Variants in ANKRD55 observed in about 807,000 individuals in gnomAD.
ANKRD55 encodes ankyrin repeat domain 55, also known as ankyrin repeat domain-containing protein 55.
In ANKRD55, 41 loss-of-function variants were observed where a neutral mutation model predicts 60.6. The ratio of observed to expected loss-of-function variants is 0.68; its 90% CI spans 0.53 to 0.88. The LOEUF (loss-of-function observed/expected upper bound fraction) is 0.88. Among genes scored for constraint, ANKRD55 ranks in the 40% least tolerant of loss-of-function variants. ANKRD55 has a pLI of 0.00. For synonymous variants in ANKRD55, 264 were observed against 290.3 expected (o/e 0.91, Z 0.92); for missense variants, 732 against 767.6 (o/e 0.95, Z 0.55).
chr5:56,215,930 G>A (rs1430604576), intron 2 of ANKRD55, among the ~76,000 whole-genome samples: 2 of 151,868 alleles, frequency 1.3e-5, no homozygotes, highest in African/African-American at 2.4e-5. Context: ...CCCCAACCCT[G>A]GCATGGAGGG....
intron 2 of ANKRD55, chr5:56,193,073 C>T: frequency 1.3e-6 from 1 of 782,326 alleles, no homozygotes; most frequent in Non-Finnish European, 2.0e-6. Context: ...ATATTTCATA[C>T]TAGATAATTT....
intron 2 of ANKRD55, among the ~76,000 whole-genome samples, chr5:56,201,246 C>A (rs1046291712): frequency 6.6e-6 from 1 of 152,122 alleles, no homozygotes; most frequent in Non-Finnish European, 1.5e-5. Flanking sequence ...CGTCTTTCCA[C>A]CTTTAAGGAG....
chr5:56,231,692 C>T (rs392729), intron 2 of ANKRD55, among the ~76,000 whole-genome samples: 2 of 112,094 alleles, frequency 1.8e-5, no homozygotes, highest in Admixed American at 9.4e-5. Flanking sequence ...CACACACACA[C>T]ACACATACAC....
intron 2 of ANKRD55, 42 bp from the exon 3 acceptor site, chr5:56,183,676 G>C: frequency 6.2e-7 from 1 of 1,602,696 alleles, no homozygotes; most frequent in South Asian, 1.1e-5. Context: ...TGTGGAGCCA[G>C]TTCACTGAAA....
At chr5:56,105,180 G>A (rs560709140) in intron 10 of ANKRD55, among the ~76,000 whole-genome samples, 1 of 150,326 alleles carries the variant, frequency 6.7e-6, no homozygotes, top group Admixed American at 6.7e-5. Context: ...TCTGCCTCCC[G>A]GGTTCCAGCA....
intron 2 of ANKRD55, among the ~76,000 whole-genome samples, chr5:56,211,377 C>T (rs1007266102): frequency 3.3e-5 from 5 of 152,174 alleles, no homozygotes; most frequent in Non-Finnish European, 5.9e-5. Flanking sequence ...ACTGTGTAAG[C>T]ACTTCCTAGA....
At chr5:56,209,809 C>T (rs1479595511) in intron 2 of ANKRD55, among the ~76,000 whole-genome samples, 3 of 152,176 alleles carry the variant, frequency 2.0e-5, no homozygotes, top group Non-Finnish European at 4.4e-5. Context: ...CCTTTGGACA[C>T]ATTCCTAGAA....
intron 7 of ANKRD55, among the ~76,000 whole-genome samples, chr5:56,131,148 C>T (rs1382886689): frequency 7.2e-6 from 1 of 139,574 alleles, no homozygotes; most frequent in Admixed American, 7.0e-5. Flanking sequence ...ACGATAAATG[C>T]CAAAAACAAC....
At chr5:56,228,313 C>A (rs560049332) in intron 2 of ANKRD55, among the ~76,000 whole-genome samples, 1 of 151,936 alleles carries the variant, frequency 6.6e-6, no homozygotes, top group Non-Finnish European at 1.5e-5. Context: ...TGCACACAGA[C>A]GAGGCCAAGT....
chr5:56,186,384 T>A (rs1424359223), intron 2 of ANKRD55, among the ~76,000 whole-genome samples: 2 of 152,142 alleles, frequency 1.3e-5, no homozygotes, highest in South Asian at 4.1e-4. Context: ...CCCAGGCTGG[T>A]CTCTAATGAT....
intron 9 of ANKRD55, among the ~76,000 whole-genome samples, chr5:56,115,826 AT>A (rs536742589): frequency 1.1e-3 from 169 of 152,234 alleles, no homozygotes; most frequent in African/African-American, 3.9e-3. Flanking sequence ...AACAATGCAT[AT>A]TTTATTAAAA....
chr5:56,152,249 G>A (rs1758073960), intron 6 of ANKRD55, among the ~76,000 whole-genome samples: 1 of 144,806 alleles, frequency 6.9e-6, no homozygotes, highest in Admixed American at 7.0e-5. Flanking sequence ...TCTGCTTTTG[G>A]TTCTATCTCA....
chr5:56,107,610 A>G (rs923328113), intron 10 of ANKRD55, among the ~76,000 whole-genome samples: 3 of 152,098 alleles, frequency 2.0e-5, no homozygotes, highest in Non-Finnish European at 4.4e-5. Context: ...TATATGACCA[A>G]AGTTTAGAGG....
intron 2 of ANKRD55, among the ~76,000 whole-genome samples, chr5:56,199,996 G>A (rs2111856358): frequency 6.6e-6 from 1 of 152,114 alleles, no homozygotes; most frequent in East Asian, 1.9e-4. Flanking sequence ...ATTGTAATAT[G>A]TATATATATG....
At chr5:56,225,118 CA>C (rs1760074991) in intron 2 of ANKRD55, among the ~76,000 whole-genome samples, 3 of 152,298 alleles carry the variant, frequency 2.0e-5, no homozygotes, top group Admixed American at 1.3e-4. Flanking sequence ...AGCAGCACAT[CA>C]AAAAGCTTAT....
At chr5:56,113,702 G>A (rs1366188263) in intron 9 of ANKRD55, among the ~76,000 whole-genome samples, 1 of 152,102 alleles carries the variant, frequency 6.6e-6, no homozygotes, top group East Asian at 1.9e-4. Flanking sequence ...GGTGAGGTGG[G>A]GGAATGGGAG....
At chr5:56,101,819 A>G (rs959806229) in intron 11 of ANKRD55, among the ~76,000 whole-genome samples, 9 of 152,136 alleles carry the variant, frequency 5.9e-5, no homozygotes, top group African/African-American at 1.9e-4. Flanking sequence ...GACTGTGAGT[A>G]CAGAGGCGAT....
intron 2 of ANKRD55, among the ~76,000 whole-genome samples, chr5:56,206,851 C>T (rs1458512283): frequency 6.6e-6 from 1 of 152,196 alleles, no homozygotes; most frequent in South Asian, 2.1e-4. Flanking sequence ...CTGAAAGGTG[C>T]TACTGCCTGA....
chr5:56,102,429 C>G lies in ANKRD55; in HGVS notation c.1723+65G>C. ...GAAAAATGAAAGTAAACGGAAATAACATTTAGTTGTGTCTAGATATGTTAA... is the reference window on the plus strand; with the variant it reads ...GAAAAATGAAAGTAAACGGAAATAAGATTTAGTTGTGTCTAGATATGTTAA... On this transcript the variant is annotated intron_variant, in intron 11 of 11. Coordinates refer to ENST00000341048, the MANE Select transcript of ANKRD55 (RefSeq NM_024669.3). 4 of 1,115,894 alleles carry G rather than the reference C, an allele frequency of 3.6e-6. No individual in the cohort carries two copies. In the Admixed American group the frequency reaches 9.2e-5, roughly 26 times the overall value. 69.1% of individuals were successfully genotyped at this position (1,115,894 alleles called of 1,614,324 possible). A position where few individuals can be genotyped will look rare whatever the true frequency, so the allele number is the denominator to read the frequency against.
Sources: allele counts gnomAD v4.1 joint callset (sites outside exome capture counted in the v4.1 genomes callset), GRCh38; gene constraint gnomAD v4.1.1; transcripts MANE v1.5; gene names NCBI Gene and HGNC (gene_info 2026-07-23, HGNC 2026-07-21).